RABGAP1: variants seen among roughly 807,000 people sequenced by gnomAD.
RABGAP1 encodes rab GTPase-activating protein 1.
A neutral mutation model predicts 137.6 loss-of-function variants in RABGAP1; 23 were observed. The ratio of observed to expected loss-of-function variants is 0.17; its 90% CI spans 0.12 to 0.24. The LOEUF (loss-of-function observed/expected upper bound fraction) is 0.24. Among genes scored for constraint, RABGAP1 ranks in the 10% least tolerant of loss-of-function variants. RABGAP1 has a pLI of 1.00. For synonymous variants in RABGAP1, 451 were observed against 450.7 expected (o/e 1.00, Z -0.01); for missense variants, 906 against 1,275.8 (o/e 0.71, Z 4.42).
intron 10 of RABGAP1, among the ~76,000 whole-genome samples, chr9:123,000,150 T>C (rs757733456): frequency 6.6e-6 from 1 of 152,222 alleles, no homozygotes. Flanking sequence ...ATGATGCACA[T>C]TTTTGTTTCT....
At chr9:122,988,405 G>A (rs1336553664) in intron 4 of RABGAP1, among the ~76,000 whole-genome samples, 1 of 151,910 alleles carries the variant, frequency 6.6e-6, no homozygotes, top group East Asian at 1.9e-4. Context: ...AATGTTGTAG[G>A]TATCACATAA....
chr9:123,094,025 T>G (rs1303549676), intron 21 of RABGAP1, among the ~76,000 whole-genome samples: 1 of 152,236 alleles, frequency 6.6e-6, no homozygotes, highest in African/African-American at 2.4e-5. Context: ...AGTGGTATTG[T>G]TTTTTAAATT....
intron 2 of RABGAP1, among the ~76,000 whole-genome samples, chr9:122,970,087 T>TC (rs1174636659): frequency 1.3e-5 from 2 of 151,446 alleles, no homozygotes; most frequent in African/African-American, 4.8e-5. Flanking sequence ...TTTTTTTTTT[T>TC]TTTCTTAGTA....
At chr9:123,028,518 TG>T (rs1314454262) in intron 13 of RABGAP1, among the ~76,000 whole-genome samples, 2 of 152,124 alleles carry the variant, frequency 1.3e-5, no homozygotes, top group East Asian at 1.9e-4. Flanking sequence ...GTTGGATAGT[TG>T]GGGTGGGATA....
At chr9:123,035,144 T>C in intron 13 of RABGAP1, 1 of 1,613,974 alleles carries the variant, frequency 6.2e-7, no homozygotes, top group Non-Finnish European at 8.5e-7. Flanking sequence ...TACTTCACCC[T>C]GTTCATCGTG....
chr9:123,059,863 G>T (rs1420945842), intron 13 of RABGAP1, among the ~76,000 whole-genome samples: 1 of 152,170 alleles, frequency 6.6e-6, no homozygotes, highest in Admixed American at 6.5e-5. Flanking sequence ...CACCCAGTTT[G>T]TAATATTTTG....
intron 21 of RABGAP1, 98 bp from the exon 22 acceptor site, chr9:123,097,643 A>G (rs2035222926): frequency 2.0e-6 from 2 of 998,194 alleles, no homozygotes; most frequent in South Asian, 3.2e-5. Context: ...TCTGAATCAG[A>G]GTTTCCCCAT....
intron 12 of RABGAP1, among the ~76,000 whole-genome samples, chr9:123,017,984 C>T (rs1164851156): frequency 6.6e-6 from 1 of 152,028 alleles, no homozygotes; most frequent in Non-Finnish European, 1.5e-5. Flanking sequence ...AGCTCTAATT[C>T]TCCAAGTTCA....
chr9:122,933,353 A>G, the RABGAP1 span, among the ~76,000 whole-genome samples: 5 of 151,822 alleles, frequency 3.3e-5, no homozygotes, highest in South Asian at 2.1e-4. Flanking sequence ...AACCTTTTCA[A>G]ATTTTAAAAT....
intron 1 of RABGAP1, among the ~76,000 whole-genome samples, chr9:122,955,320 TTTC>T (rs1424135893): frequency 2.0e-5 from 3 of 152,228 alleles, no homozygotes. Context: ...AAGGTTCTAT[TTTC>T]TTTTGTTTAT....
At chr9:123,089,914 G>A in intron 20 of RABGAP1, 64 bp downstream of exon 20, 3 of 1,391,940 alleles carry the variant, frequency 2.2e-6, no homozygotes, top group Admixed American at 3.7e-5. Flanking sequence ...GATTGCGCCT[G>A]TAACTAGCTT....
chr9:122,940,528 A>G (rs968441626), upstream of RABGAP1, among the ~76,000 whole-genome samples: 46 of 152,236 alleles, frequency 3.0e-4, no homozygotes, highest in African/African-American at 9.9e-4. Flanking sequence ...GAAATGAGAT[A>G]GCCACATAAA....
chr9:123,085,658 C>T (rs2034841393), intron 19 of RABGAP1, among the ~76,000 whole-genome samples: 1 of 152,160 alleles, frequency 6.6e-6, no homozygotes, highest in African/African-American at 2.4e-5. Flanking sequence ...GCTTCCCTTG[C>T]TTCCCGAATT....
At chr9:122,991,026 T>C (rs1235895982) in intron 6 of RABGAP1, among the ~76,000 whole-genome samples, 1 of 151,178 alleles carries the variant, frequency 6.6e-6, no homozygotes, top group African/African-American at 2.4e-5. Flanking sequence ...AGTCTAATCT[T>C]TTGTAGGGTT....
intron 21 of RABGAP1, among the ~76,000 whole-genome samples, chr9:123,092,546 C>G (rs2035061501): frequency 1.4e-5 from 2 of 145,720 alleles, no homozygotes; most frequent in Non-Finnish European, 2.9e-5. Flanking sequence ...GCCCATGGAA[C>G]TGGAATGCCC....
At chr9:123,036,990 C>T (rs1045055391) in intron 13 of RABGAP1, among the ~76,000 whole-genome samples, 7 of 152,246 alleles carry the variant, frequency 4.6e-5, no homozygotes, top group Admixed American at 2.0e-4. Context: ...GGAATTCCGG[C>T]AGCTCCAGGC....
intron 2 of RABGAP1, chr9:122,971,736 AC>A (rs1041115781): frequency 9.2e-5 from 14 of 152,222 alleles, no homozygotes; most frequent in African/African-American, 3.4e-4. Context: ...AGAATCAAAT[AC>A]CTGGAAAATG....
At chr9:123,029,318 T>A in intron 13 of RABGAP1, 1 of 247,336 alleles carries the variant, frequency 4.0e-6, no homozygotes, top group Non-Finnish European at 7.9e-6. Flanking sequence ...TTAAAGCTCA[T>A]TTTTTTTTTT....
chr9:123,020,299 T>G lies in RABGAP1; in HGVS notation c.1644-10T>G. ...CTTTTATGATTTATGGTTTATGGCC[T>G]TATTTTTAGGCATCTCAACTTGAAT... On this transcript the variant is annotated splice_polypyrimidine_tract_variant and intron_variant, in intron 12 of 25. Transcript: ENST00000373647. 6.6e-7 allele frequency: 1 copy of G among 1,526,038 alleles called. No individual in the cohort carries two copies. The highest frequency in any genetic ancestry group is 8.9e-7 in the Non-Finnish European group (1 of 1,128,278). 94.5% of individuals were successfully genotyped at this position (1,526,038 alleles called of 1,614,324 possible).
Sources: gnomAD v4.1 joint callset for allele counts (sites outside exome capture counted in the v4.1 genomes callset) on GRCh38, gnomAD v4.1.1 for gene constraint, MANE v1.5 for transcripts, NCBI Gene and HGNC (gene_info 2026-07-23, HGNC 2026-07-21) for gene names.